The following ZNF587B variants were observed in gnomAD, a reference collection of about 807,000 sequenced individuals.
ZNF587B encodes zinc finger protein 587B.
In ZNF587B, 6 loss-of-function variants were observed where a neutral mutation model predicts 7.2. The observed-to-expected ratio is 0.83, with a 90% CI of 0.46 to 1.65. The LOEUF is 1.65. ZNF587B is among the 40% of genes most tolerant of loss of function. The probability of loss-of-function intolerance (pLI) is 0.01; values close to 1 mark genes in which losing one functional copy is unlikely to be tolerated. For missense variants in ZNF587B, 749 were observed against 761.0 expected, an observed-to-expected ratio of 0.98 and a Z score of 0.19; for synonymous variants, 274 against 254.3, an observed-to-expected ratio of 1.08 and a Z score of -0.74.
chr19:57,831,481 C>T (rs1374377739), intron 1 of ZNF587B, among the ~76,000 whole-genome samples: 1 of 152,146 alleles, frequency 6.6e-6, no homozygotes, highest in East Asian at 1.9e-4. Context: ...CAATCTCCGC[C>T]TCCTGGGTTC....
At position 57,841,712 on chromosome 19, in the gene ZNF587B, C is replaced by T. The variant is rs749722881; in HGVS notation, c.1038C>T (p.Arg346=). The T allele has an allele frequency of 4.8e-5, 77 of 1,606,950 alleles. No homozygotes were observed. Among genetic ancestry groups the T allele is most frequent in the African/African-American group, 4.4e-4 (33 of 74,604 alleles). The change falls in exon 3 of 3, where the codon CGC becomes CGT. Residue 346 remains arginine, a synonymous_variant. Transcript: ENST00000594901. Reference sequence around the variant, plus strand: ...ACGTGAACCTTAAGAGTCATCAGCGCATTCACACTGGAGAGAGACCTTACA... The same window carrying T: ...ACGTGAACCTTAAGAGTCATCAGCGTATTCACACTGGAGAGAGACCTTACA... ...SSNVNLKSHQ[R]IHTGERPYKC... is the part of the protein sequence containing the mutation.
At chr19:57,839,969 C>T (rs1230604520) in intron 2 of ZNF587B, among the ~76,000 whole-genome samples, 4 of 151,298 alleles carry the variant, frequency 2.6e-5, no homozygotes, top group East Asian at 3.9e-4. Flanking sequence ...GTCCCAGCGA[C>T]TCAGGAGGCT....
chr19:57,833,661 GT>G lies in ZNF587B; in HGVS notation c.36+3098del, dbSNP rs562011276. Among the ~76,000 whole-genome samples, 547 of 152,236 alleles carry G rather than the reference GT, an allele frequency of 3.6e-3. 5 individuals are homozygous for G. Among genetic ancestry groups the G allele is most frequent in the African/African-American group, 0.013 (521 of 41,538 alleles). ...GCTGTGTTACATCTGAAGCTGGCAT[GT>G]CTCAGAGTCTCACCCAGTGCCATCG... On this transcript the variant is annotated intron_variant, in intron 1 of 2. Transcript: ENST00000594901.
At chr19:57,834,654 C>CA (rs1473426342) in intron 1 of ZNF587B, among the ~76,000 whole-genome samples, 44 of 93,222 alleles carry the variant, frequency 4.7e-4, no homozygotes, top group African/African-American at 1.7e-3. Flanking sequence ...GCCAACATGG[C>CA]AAAACCGTGT....
At chr19:57,833,010 C>T (rs1319820212) in intron 1 of ZNF587B, among the ~76,000 whole-genome samples, 6 of 152,286 alleles carry the variant, frequency 3.9e-5, no homozygotes, top group Non-Finnish European at 8.8e-5. Flanking sequence ...CAGCACAGCA[C>T]TGGGTTTCAC....
chr19:57,839,191 G>GT, intron 2 of ZNF587B, 42 bp downstream of exon 2: 1 of 1,608,702 alleles, frequency 6.2e-7, no homozygotes, highest in South Asian at 1.1e-5. Flanking sequence ...GCTAGTCTCT[G>GT]TTTTCCCCTG....
intron 2 of ZNF587B, among the ~76,000 whole-genome samples, chr19:57,839,749 C>G (rs534464414): frequency 8.4e-4 from 127 of 152,004 alleles, no homozygotes; most frequent in East Asian, 1.2e-3. Flanking sequence ...TGAATTCAGC[C>G]TCAGCATAAT....
Position 57,841,640 on chromosome 19 carries a change from A to T in ZNF587B, c.966A>T (p.Gly322=). The T allele has an allele frequency of 1.3e-6, 2 of 1,599,596 alleles. No homozygotes were observed. Residue 322 remains glycine (G), a synonymous_variant, in exon 3 of 3, where the codon GGA becomes GGT. Coordinates refer to ENST00000594901, the MANE Select transcript of ZNF587B (RefSeq NM_001376223.1). ...YLRRHQKVHA[G]KGPYECGECG... ...GGCGCCATCAAAAAGTTCACGCTGG[A>T]AAAGGGCCTTATGAGTGTGGAGAAT...
chr19:57,831,086 C>T (rs547729807), intron 1 of ZNF587B, among the ~76,000 whole-genome samples: 1 of 152,260 alleles, frequency 6.6e-6, no homozygotes, highest in African/African-American at 2.4e-5. Flanking sequence ...CTGGGAACTG[C>T]GGATATAGCT....
At chr19:57,839,246 C>T (rs1408792027) in intron 2 of ZNF587B, 97 bp downstream of exon 2, 1 of 1,539,794 alleles carries the variant, frequency 6.5e-7, no homozygotes, top group Non-Finnish European at 8.8e-7. Flanking sequence ...AGCATGGACA[C>T]AGCTTCCTGC....
intron 1 of ZNF587B, among the ~76,000 whole-genome samples, chr19:57,835,931 A>G (rs907374138): frequency 4.0e-5 from 6 of 151,244 alleles, no homozygotes; most frequent in Admixed American, 1.3e-4. Flanking sequence ...TAAGGTAGTA[A>G]ATCTTTTAGG....
chr19:57,832,211 C>G (rs1403012902), intron 1 of ZNF587B, among the ~76,000 whole-genome samples: 1 of 152,132 alleles, frequency 6.6e-6, no homozygotes, highest in African/African-American at 2.4e-5. Context: ...CTCAGCCTCC[C>G]GAGTAGCTGG....
At position 57,844,116 on chromosome 19, in the gene ZNF587B, G is replaced by A. The variant is rs777611512; in HGVS notation, c.*1540G>A. On this transcript the variant is annotated 3_prime_UTR_variant, in exon 3 of 3. Transcript: ENST00000594901. ...CAGAAGGATTTGTTGAGTAGCCTCA[G>A]CACTTCTTGCTTTTTCATTTCTTTC... 3.5e-6 allele frequency: 1 copy of A among 288,332 alleles called. No homozygotes were observed. Among genetic ancestry groups the A allele is most frequent in the Non-Finnish European group, 6.9e-6 (1 of 145,220 alleles). The allele number at this position is 288,332 out of a possible 1,614,324, so 17.9% of individuals were successfully genotyped here.
chr19:57,837,126 C>T (rs1988645445), intron 1 of ZNF587B, among the ~76,000 whole-genome samples: 1 of 152,170 alleles, frequency 6.6e-6, no homozygotes, highest in South Asian at 2.1e-4. Context: ...GGGAATCAGG[C>T]CATTACACTC....
In ZNF587B at chr19:57,842,408, T is replaced by C. The variant is rs746643873; in HGVS notation, c.1734T>C (p.Tyr578=). ...HRRVHTGQKP[Y]ECSECGKSFA... is the part of the protein sequence containing the mutation. ...GAGTTCACACTGGTCAGAAGCCTTA[T>C]GAGTGCAGTGAATGTGGGAAATCTT... The change falls in exon 3 of 3, where the codon TAT becomes TAC. Residue 578 remains tyrosine (Y), a synonymous_variant. Transcript: ENST00000594901. The C allele has an allele frequency of 4.4e-6, 7 of 1,600,168 alleles. No individual in the cohort carries two copies. The highest frequency in any genetic ancestry group is 1.7e-5 in the Admixed American group (1 of 57,420).
At chr19:57,831,140 G>C (rs1317286781) in intron 1 of ZNF587B, among the ~76,000 whole-genome samples, 1 of 152,170 alleles carries the variant, frequency 6.6e-6, no homozygotes, top group East Asian at 1.9e-4. Flanking sequence ...GGATGTGCTG[G>C]GAGTCAGCTT....
chr19:57,842,509 A>C lies in ZNF587B; in HGVS notation c.1835A>C (p.Glu612Ala). The C allele has an allele frequency of 6.4e-7, 1 of 1,556,838 alleles. No individual in the cohort carries two copies. Among genetic ancestry groups the C allele is most frequent in the Non-Finnish European group, 8.6e-7 (1 of 1,158,252 alleles). ...AAGCCTTATGGGTGTAGTGAATGTG[A>C]AAAAAAATTTAGGAAAAGCTCTTCA... is the stretch of plus-strand genomic sequence containing the variant. ...GEKPYGCSEC[E>A]KKFRKSSSLR... The change falls in exon 3 of 3, where the codon GAA (glutamate) becomes GCA (alanine). Residue 612 changes from glutamate (E) to alanine (A), a missense_variant. Around this residue, in one of 3 missense-constraint regions of ZNF587B, gnomAD observed 656 missense variants for 596.5 expected, o/e 1.10. Transcript: ENST00000594901.
intron 1 of ZNF587B, among the ~76,000 whole-genome samples, 194 bp from the exon 2 acceptor site, chr19:57,838,829 A>T (rs549415507): frequency 1.8e-4 from 28 of 152,128 alleles, no homozygotes; most frequent in Non-Finnish European, 3.7e-4. Context: ...ACTTTATGTC[A>T]CAGCCACTGC....
Position 57,841,406 on chromosome 19 carries a change from C to A in ZNF587B, c.732C>A (p.Cys244Ter). ...TCCCTCGAGAAGAATGTTATGTGTG[C>A]TGTGAATGTGGGAAATCCTTTAGCA... The part of the protein sequence containing the change: ...RLLPREECYV[C>*]CECGKSFSKY... Residue 244 changes from cysteine to a stop codon, truncating the protein, a stop_gained, in exon 3 of 3, where the codon TGC becomes TGA. Transcript: ENST00000594901. LOFTEE classifies it low-confidence loss of function (END_TRUNC). The A allele has an allele frequency of 6.3e-7, 1 of 1,585,566 alleles. No homozygotes were observed. Among genetic ancestry groups the A allele is most frequent in the South Asian group, 1.1e-5 (1 of 88,178 alleles).
Sources: gnomAD v4.1 joint callset for allele counts (sites outside exome capture counted in the v4.1 genomes callset) on GRCh38, gnomAD v4.1.1 for gene constraint, gnomAD v4.1.1 regional missense constraint, MANE v1.5 for transcripts, NCBI Gene and HGNC (gene_info 2026-07-23, HGNC 2026-07-21) for gene names.